The following TPH2 variants were observed in gnomAD, a reference collection of about 807,000 sequenced individuals.
The protein encoded by TPH2 is tryptophan 5-hydroxylase 2.
A neutral mutation model predicts 59.1 loss-of-function variants in TPH2; 27 were observed. The ratio of observed to expected loss-of-function variants is 0.46; its 90% CI spans 0.34 to 0.63. The LOEUF (loss-of-function observed/expected upper bound fraction) is 0.63, where lower values mean the gene tolerates loss of function less well. TPH2 is among the 30% of genes least tolerant of loss of function. The probability of loss-of-function intolerance (pLI) is 0.01; values close to 1 mark genes in which losing one functional copy is unlikely to be tolerated. For missense variants in TPH2, 523 were observed against 588.3 expected (o/e 0.89, Z 1.15); for synonymous variants, 220 against 210.5 (o/e 1.05, Z -0.39).
At chr12:72,017,528 G>A (rs11179051) in intron 8 of TPH2, among the ~76,000 whole-genome samples, 2,894 of 152,206 alleles carry the variant, frequency 0.019, 100 homozygotes, top group African/African-American at 0.066. Flanking sequence ...ATGAACACCA[G>A]CTTTGATGAA....
At chr12:71,950,065 C>T (rs780336333) in intron 5 of TPH2, among the ~76,000 whole-genome samples, 7 of 152,202 alleles carry the variant, frequency 4.6e-5, no homozygotes, top group South Asian at 2.1e-4. Flanking sequence ...GTTAAGGAGC[C>T]GTAATAGAGA....
chr12:71,957,281 C>T (rs1321183453), intron 5 of TPH2, among the ~76,000 whole-genome samples: 1 of 147,478 alleles, frequency 6.8e-6, no homozygotes, highest in Non-Finnish European at 1.5e-5. Context: ...AATTGTTCTT[C>T]AATTTCATAT....
At chr12:72,020,030 C>T (rs1873366980) in intron 8 of TPH2, among the ~76,000 whole-genome samples, 1 of 152,190 alleles carries the variant, frequency 6.6e-6, no homozygotes, top group Non-Finnish European at 1.5e-5. Flanking sequence ...ATTTATTAAT[C>T]CAGTGCTTAT....
intron 5 of TPH2, among the ~76,000 whole-genome samples, chr12:71,960,149 C>A (rs1871637696): frequency 6.6e-6 from 1 of 152,090 alleles, no homozygotes; most frequent in African/African-American, 2.4e-5. Context: ...TAGAACAAAA[C>A]CAAATATTTG....
chr12:72,019,259 T>C (rs1873346427), intron 8 of TPH2, among the ~76,000 whole-genome samples: 1 of 152,220 alleles, frequency 6.6e-6, no homozygotes, highest in South Asian at 2.1e-4. Context: ...ATCTAGCTGG[T>C]CTGTTTCCAC....
At chr12:71,968,949 CTTCTG>C (rs1436822561) in intron 5 of TPH2, among the ~76,000 whole-genome samples, 2 of 152,086 alleles carry the variant, frequency 1.3e-5, no homozygotes, top group Non-Finnish European at 2.9e-5. Flanking sequence ...TGGAATATGA[CTTCTG>C]TTATATATAT....
In TPH2 at chr12:71,977,675, G is replaced by A. The variant is rs906995326; in HGVS notation, c.806-1277G>A. Among the ~76,000 whole-genome samples the A allele has an allele frequency of 4.6e-5, 7 of 152,236 alleles. No individual in the cohort carries two copies. In the South Asian group the frequency reaches 1.4e-3, roughly 32 times the overall value. On this transcript the variant is annotated intron_variant, in intron 6 of 10. Coordinates refer to ENST00000333850, the MANE Select transcript of TPH2 (RefSeq NM_173353.4). ...AACATTATGACAATACAATGTTGAAGGAAATGATGTTATTCTGGGCACTGC... is the reference window on the plus strand; with the variant it reads ...AACATTATGACAATACAATGTTGAAAGAAATGATGTTATTCTGGGCACTGC...
intron 8 of TPH2, among the ~76,000 whole-genome samples, chr12:71,998,207 C>T (rs1400284430): frequency 6.6e-6 from 1 of 152,160 alleles, no homozygotes; most frequent in Non-Finnish European, 1.5e-5. Flanking sequence ...ATTGCTTGAG[C>T]TCCCACCCCA....
chr12:72,000,936 T>C (rs961641652), intron 8 of TPH2, among the ~76,000 whole-genome samples: 1 of 152,236 alleles, frequency 6.6e-6, no homozygotes, highest in Non-Finnish European at 1.5e-5. Context: ...TTGATTTCTC[T>C]TCCCCCAAAT....
At chr12:71,991,464 TG>T (rs1353935494) in intron 7 of TPH2, among the ~76,000 whole-genome samples, 7 of 152,348 alleles carry the variant, frequency 4.6e-5, no homozygotes, top group African/African-American at 1.7e-4. Flanking sequence ...TTTATGTCAA[TG>T]AGAGAATACT....
chr12:71,994,674 A>G, intron 8 of TPH2, 109 bp downstream of exon 8: 9 of 1,392,896 alleles, frequency 6.5e-6, no homozygotes, highest in Admixed American at 1.8e-5. Flanking sequence ...TGGAGAAAAC[A>G]TGGTGAATTT....
At chr12:71,957,994 T>C (rs1409497594) in intron 5 of TPH2, among the ~76,000 whole-genome samples, 1 of 152,246 alleles carries the variant, frequency 6.6e-6, no homozygotes, top group African/African-American at 2.4e-5. Context: ...GTTAAACGTG[T>C]CACTTGATTT....
chr12:71,980,013 T>A (rs1372730008), intron 7 of TPH2, among the ~76,000 whole-genome samples: 4 of 152,074 alleles, frequency 2.6e-5, no homozygotes, highest in African/African-American at 9.7e-5. Context: ...TTCCATGAAG[T>A]GCTAATAAGT....
chr12:72,006,072 C>A (rs575530768), intron 8 of TPH2, among the ~76,000 whole-genome samples: 1 of 152,272 alleles, frequency 6.6e-6, no homozygotes, highest in African/African-American at 2.4e-5. Context: ...CTATATATGA[C>A]ACTATGCGGT....
At chr12:71,997,487 TTTG>T (rs1872723091) in intron 8 of TPH2, among the ~76,000 whole-genome samples, 1 of 152,190 alleles carries the variant, frequency 6.6e-6, no homozygotes, top group South Asian at 2.1e-4. Flanking sequence ...GGCCAACAAA[TTTG>T]TAGGATGAGT....
At chr12:71,946,769 A>G (rs565895849) in intron 4 of TPH2, among the ~76,000 whole-genome samples, 2 of 152,280 alleles carry the variant, frequency 1.3e-5, no homozygotes, top group South Asian at 4.1e-4. Context: ...GGCTTGGAAT[A>G]TAAGAGTAAG....
intron 8 of TPH2, among the ~76,000 whole-genome samples, chr12:72,022,088 T>A (rs1873434334): frequency 6.6e-6 from 1 of 152,192 alleles, no homozygotes; most frequent in Admixed American, 6.5e-5. Context: ...CATTGTGATA[T>A]AATTATTCAT....
chr12:71,942,989 C>A (rs4565946), intron 2 of TPH2, among the ~76,000 whole-genome samples: 2 of 151,900 alleles, frequency 1.3e-5, no homozygotes, highest in Non-Finnish European at 2.9e-5. Context: ...AGTCACGGGG[C>A]CTTAGCTAAG....
chr12:71,992,027 C>T (rs1394088271), intron 7 of TPH2, among the ~76,000 whole-genome samples: 2 of 152,198 alleles, frequency 1.3e-5, no homozygotes, highest in African/African-American at 2.4e-5. Context: ...TTGAATTAGT[C>T]TAAGGCAGGG....
Sources: gnomAD v4.1 joint callset for allele counts (sites outside exome capture counted in the v4.1 genomes callset) on GRCh38, gnomAD v4.1.1 for gene constraint, MANE v1.5 for transcripts, NCBI Gene and HGNC (gene_info 2026-07-23, HGNC 2026-07-21) for gene names.